The following PCNX2 variants were observed in gnomAD, a reference collection of about 807,000 sequenced individuals.
PCNX2 encodes the protein pecanex-like protein 2.
In PCNX2, 168 loss-of-function variants were observed where a neutral mutation model predicts 223.8. The ratio of observed to expected loss-of-function variants is 0.75; its 90% CI spans 0.66 to 0.85. The LOEUF (loss-of-function observed/expected upper bound fraction) is 0.85, where lower values mean the gene tolerates loss of function less well. Ranked by LOEUF, PCNX2 falls within the 40% of genes least tolerant of loss-of-function variation. The probability of loss-of-function intolerance (pLI) is 0.00; values close to 1 mark genes in which losing one functional copy is unlikely to be tolerated. For synonymous variants in PCNX2, 1,006 were observed against 1,052.6 expected (o/e 0.96, Z 0.86); for missense variants, 2,507 against 2,675.5 (o/e 0.94, Z 1.39).
intron 8 of PCNX2, among the ~76,000 whole-genome samples, chr1:233,238,843 A>G (rs10752750): frequency 0.73 from 110,964 of 152,098 alleles, 40,586 homozygotes; most frequent in Middle Eastern, 0.75. Context: ...GTAAGTACGT[A>G]GAGTTTGAAA....
At chr1:233,189,968 C>T (rs550334243) in intron 15 of PCNX2, among the ~76,000 whole-genome samples, 12 of 152,078 alleles carry the variant, frequency 7.9e-5, no homozygotes, top group South Asian at 2.1e-4. Context: ...CCATCTTGGA[C>T]GAGTCAAAGA....
At chr1:233,294,064 T>C in intron 1 of PCNX2, 5 of 873,584 alleles carry the variant, frequency 5.7e-6, no homozygotes, top group Non-Finnish European at 6.9e-6. Flanking sequence ...TTAATTTTTC[T>C]GTGAAGTGGT....
chr1:233,297,682 C>G (rs538392795), upstream of PCNX2, among the ~76,000 whole-genome samples: 1 of 152,212 alleles, frequency 6.6e-6, no homozygotes, highest in South Asian at 2.1e-4. Context: ...ATGGGAGAAA[C>G]GGAACAGTAG....
intron 8 of PCNX2, among the ~76,000 whole-genome samples, chr1:233,245,053 G>A (rs1032530361): frequency 6.6e-5 from 10 of 152,222 alleles, no homozygotes; most frequent in Non-Finnish European, 1.3e-4. Context: ...CTCCTCCACC[G>A]GGTTTCATGG....
At chr1:233,298,670 C>T (rs145001117), upstream of PCNX2, among the ~76,000 whole-genome samples, 163 of 152,226 alleles carry the variant, frequency 1.1e-3, no homozygotes, top group African/African-American at 3.8e-3. Context: ...GGGTGGATCA[C>T]CTGAGGTCAG....
At chr1:233,294,587 T>C (rs1457311678) in intron 1 of PCNX2, among the ~76,000 whole-genome samples, 1 of 152,176 alleles carries the variant, frequency 6.6e-6, no homozygotes, top group African/African-American at 2.4e-5. Flanking sequence ...CACGTAAAGT[T>C]TAATAAGACA....
chr1:233,289,972 C>G (rs1439586879), intron 1 of PCNX2, among the ~76,000 whole-genome samples: 1 of 151,998 alleles, frequency 6.6e-6, no homozygotes, highest in Non-Finnish European at 1.5e-5. Flanking sequence ...ATAATTTACA[C>G]TAAGTCATCT....
At chr1:233,228,308 GC>G (rs1200047626) in intron 9 of PCNX2, among the ~76,000 whole-genome samples, 1 of 152,076 alleles carries the variant, frequency 6.6e-6, no homozygotes, top group East Asian at 1.9e-4. Context: ...AGATACCCCA[GC>G]CCCCTGCAGA....
At chr1:233,254,223 C>T (rs1343007999) in intron 5 of PCNX2, among the ~76,000 whole-genome samples, 1 of 152,150 alleles carries the variant, frequency 6.6e-6, no homozygotes, top group Non-Finnish European at 1.5e-5. Flanking sequence ...TGTGAAACTA[C>T]CATAAGAATT....
intron 21 of PCNX2, among the ~76,000 whole-genome samples, chr1:233,110,551 C>T (rs1675058230): frequency 6.6e-6 from 1 of 151,272 alleles, no homozygotes; most frequent in Non-Finnish European, 1.5e-5. Context: ...CAGAAGAAAA[C>T]TTCAGGTCAG....
intron 17 of PCNX2, among the ~76,000 whole-genome samples, chr1:233,169,903 G>A (rs1679050914): frequency 6.7e-6 from 1 of 149,508 alleles, no homozygotes; most frequent in Non-Finnish European, 1.5e-5. Flanking sequence ...CACTACTTAC[G>A]ACTTAGGTAT....
At chr1:233,241,444 C>T (rs72750080) in intron 8 of PCNX2, 112,461 of 888,012 alleles carry the variant, frequency 0.13, 7,597 homozygotes, top group Non-Finnish European at 0.14. Context: ...CTTTCTAATA[C>T]GTCTAAGAAA....
At chr1:233,144,172 A>C in intron 19 of PCNX2, among the ~76,000 whole-genome samples, 1 of 151,782 alleles carries the variant, frequency 6.6e-6, no homozygotes, top group South Asian at 2.1e-4. Context: ...CAGAGCGTAG[A>C]CCCTGTCTCA....
chr1:233,239,554 T>C (rs749041130), intron 8 of PCNX2, among the ~76,000 whole-genome samples: 6 of 152,224 alleles, frequency 3.9e-5, no homozygotes, highest in Non-Finnish European at 8.8e-5. Flanking sequence ...GGTTAAAGTA[T>C]ACTACTCACT....
rs149946077 is a variant in PCNX2, at chr1:233,171,183, A to G, written c.3273+6619T>C. ...ACCTTACATTTTTTAAGCCAACTAT[A>G]TAGTCTTATCATGGTTTAATGCAGT... On this transcript the variant is annotated intron_variant, in intron 17 of 33. Coordinates refer to ENST00000258229, the MANE Select transcript of PCNX2 (RefSeq NM_014801.4). 8.7e-3 allele frequency among the ~76,000 whole-genome samples: 1,327 copies of G among 152,130 alleles called. 24 individuals carry two copies. The highest frequency in any genetic ancestry group is 0.031 in the African/African-American group (1,271 of 41,488).
Position 233,169,517 on chromosome 1 carries a change from C to T in PCNX2, c.3274-8154G>A, listed in dbSNP as rs989039684. On this transcript the variant is annotated intron_variant, in intron 17 of 33. Coordinates refer to ENST00000258229, the MANE Select transcript of PCNX2 (RefSeq NM_014801.4). ...AAAATTAGCCGGGCATGGTGGCGCG[C>T]GCCTGTAGTCCCAGCTACACGGGAG... Among the ~76,000 whole-genome samples, 13 of 151,114 alleles carry T rather than the reference C, an allele frequency of 8.6e-5. No homozygotes were observed. The South Asian group carries it at 1.3e-3, about 15-fold the overall frequency.
intron 10 of PCNX2, among the ~76,000 whole-genome samples, chr1:233,219,781 A>T (rs1486634188): frequency 2.0e-5 from 3 of 151,940 alleles, no homozygotes; most frequent in Non-Finnish European, 4.4e-5. Flanking sequence ...ACATTAACAC[A>T]TCATTATCCA....
chr1:233,101,169 A>G (rs141578553), intron 21 of PCNX2, among the ~76,000 whole-genome samples: 2 of 152,352 alleles, frequency 1.3e-5, no homozygotes, highest in East Asian at 3.9e-4. Context: ...AAAGCCGGAA[A>G]CAAAGGAATT....
At chr1:233,235,985 T>TATATATATAA (rs1265599637) in intron 9 of PCNX2, among the ~76,000 whole-genome samples, 79 of 143,610 alleles carry the variant, frequency 5.5e-4, no homozygotes, top group African/African-American at 1.6e-3. Flanking sequence ...TATATATATA[T>TATATATATAA]AATTATATTA....
Sources: gnomAD v4.1 joint callset for allele counts (sites outside exome capture counted in the v4.1 genomes callset) on GRCh38, gnomAD v4.1.1 for gene constraint, MANE v1.5 for transcripts, NCBI Gene and HGNC (gene_info 2026-07-23, HGNC 2026-07-21) for gene names.